Variants in NOX1 observed in about 807,000 individuals in gnomAD.
The protein encoded by NOX1 is NADPH oxidase 1.
In NOX1, 34 loss-of-function variants were observed where a neutral mutation model predicts 42.5. The ratio of observed to expected loss-of-function variants is 0.80; its 90% CI spans 0.61 to 1.07. The LOEUF (loss-of-function observed/expected upper bound fraction) is 1.07, where lower values mean the gene tolerates loss of function less well. NOX1 is among the 50% of genes least tolerant of loss of function. The probability of loss-of-function intolerance (pLI) is 0.00; values close to 1 mark genes in which losing one functional copy is unlikely to be tolerated. For synonymous variants in NOX1, 143 were observed against 152.5 expected (o/e 0.94, Z 0.46); for missense variants, 408 against 427.0 (o/e 0.96, Z 0.39).
At chrX:100,853,272 T>TTCTTTCTTTCTTTCTTTCTCTCTCTTTC (rs1569445502) in intron 7 of NOX1, among the ~76,000 whole-genome samples, 2 of 56,748 alleles carry the variant, frequency 3.5e-5, no homozygotes, top group African/African-American at 1.6e-4. Context: ...CTTTCTTTCT[T>TTCTTTCTTTCTTTCTTTCTCTCTCTTTC]TCTTTCTTTC....
chrX:100,852,206 C>T (rs1373967811), intron 7 of NOX1, among the ~76,000 whole-genome samples: 3 of 112,047 alleles, frequency 2.7e-5, no homozygotes, highest in Non-Finnish European at 5.6e-5. Context: ...CAGTGGCTCA[C>T]GCCTGTAATC....
intron 2 of NOX1, 23 bp from the exon 3 acceptor site, chrX:100,863,618 A>G (rs112279701): frequency 9.2e-5 from 109 of 1,189,093 alleles, no homozygotes; most frequent in Non-Finnish European, 1.2e-4. Flanking sequence ...AGAAAAAGAG[A>G]CCATCAGCTG....
intron 2 of NOX1, among the ~76,000 whole-genome samples, chrX:100,866,389 C>T (rs2085237659): frequency 1.8e-5 from 2 of 110,208 alleles, no homozygotes; most frequent in Admixed American, 9.7e-5. Context: ...GCAAATTTTA[C>T]TATATGAAAA....
At chrX:100,873,796 TAGAG>T (rs965294158) in intron 1 of NOX1, among the ~76,000 whole-genome samples, 17 of 111,518 alleles carry the variant, frequency 1.5e-4, no homozygotes, top group African/African-American at 5.5e-4. Context: ...ATAGGAAAGA[TAGAG>T]AGAAATCAGC....
In NOX1 at chrX:100,851,222, A is replaced by G. The variant is rs778673989; in HGVS notation, c.897+11T>C. 3.2e-5 allele frequency: 34 copies of G among 1,076,655 alleles called. No homozygotes were observed. Among genetic ancestry groups the G allele is most frequent in the Non-Finnish European group, 4.4e-5 (34 of 780,361 alleles). The allele number at this position is 1,076,655 out of a possible 1,213,427, so 88.7% of individuals were successfully genotyped here. ...TCTTATCACAGCAAGAGGAAAGTGCATATTCTTTACCTTGGTAATCACAAC... is the reference window on the plus strand; with the variant it reads ...TCTTATCACAGCAAGAGGAAAGTGCGTATTCTTTACCTTGGTAATCACAAC... On this transcript the variant is annotated intron_variant, in intron 8 of 12. Coordinates refer to ENST00000372966, the MANE Select transcript of NOX1 (RefSeq NM_007052.5).
At position 100,869,568 on chromosome X, in the gene NOX1, CGAT is replaced by C. The variant is rs1225069097; in HGVS notation, c.141+1148_141+1150del. Among the ~76,000 whole-genome samples the C allele has an allele frequency of 3.2e-3, 349 of 109,916 alleles. 1 individual carries two copies. The highest frequency in any genetic ancestry group is 9.5e-3 in the Middle Eastern group (2 of 211). ...AGCTTAAGGAGATTTTGGGCTGAGA[CGAT>C]GGGGTTTTCTAGATATACAATCATG... is the stretch of plus-strand genomic sequence containing the variant. On this transcript the variant is annotated intron_variant, in intron 2 of 12. Transcript: ENST00000372966.
intron 7 of NOX1, among the ~76,000 whole-genome samples, chrX:100,856,599 G>A (rs575427899): frequency 9.1e-5 from 10 of 110,004 alleles, no homozygotes; most frequent in African/African-American, 3.3e-4. Context: ...TTGAGATGGG[G>A]TCTTTCTCTG....
rs2085164578 is a variant in NOX1, at chrX:100,856,050, C to T, written c.805-4725G>A. The T allele has an allele frequency of 1.4e-5, 15 of 1,098,962 alleles. No individual in the cohort carries two copies. In the South Asian group the frequency reaches 1.8e-4, roughly 13 times the overall value. The allele number at this position is 1,098,962 out of a possible 1,213,427, so 90.6% of individuals were successfully genotyped here. A position where few individuals can be genotyped will look rare whatever the true frequency, so the allele number is the denominator to read the frequency against. ...TGTTCTTCCGTGTCTTCTTTAATGC[C>T]ACCAACAAATATCTTTTTCACAGTT... On this transcript the variant is annotated intron_variant, in intron 7 of 12. Transcript: ENST00000372966.
intron 7 of NOX1, among the ~76,000 whole-genome samples, chrX:100,861,040 G>C (rs1302067301): frequency 9.0e-6 from 1 of 111,402 alleles, no homozygotes; most frequent in African/African-American, 3.3e-5. Flanking sequence ...TGCCCGGCCC[G>C]ATGGGGATTT....
chrX:100,846,056 G>T (rs1371160461), intron 12 of NOX1, among the ~76,000 whole-genome samples: 1 of 111,214 alleles, frequency 9.0e-6, no homozygotes, highest in Non-Finnish European at 1.9e-5. Context: ...AAAGTGCTGG[G>T]ATTACAGGCA....
At chrX:100,851,006 A>ATT (rs111677960) in intron 8 of NOX1, among the ~76,000 whole-genome samples, 2 of 104,379 alleles carry the variant, frequency 1.9e-5, no homozygotes, top group East Asian at 3.0e-4. Flanking sequence ...CGCTCAGCTA[A>ATT]TTTTTTTTTT....
At chrX:100,845,422 G>A (rs951301996) in intron 12 of NOX1, among the ~76,000 whole-genome samples, 2 of 109,869 alleles carry the variant, frequency 1.8e-5, no homozygotes, top group African/African-American at 3.3e-5. Flanking sequence ...TAATATTCCA[G>A]TATGTGAATA....
chrX:100,872,752 C>T (rs1269559317), intron 1 of NOX1, among the ~76,000 whole-genome samples: 2 of 109,898 alleles, frequency 1.8e-5, no homozygotes, highest in African/African-American at 6.6e-5. Context: ...CTGCTCCCCT[C>T]CCCTGCCCAA....
rs1206884546 is a variant in NOX1 at position 100,863,141 on chromosome X, A to G, written c.337+18T>C. On this transcript the variant is annotated intron_variant, in intron 4 of 12. Transcript: ENST00000372966. Reference sequence around the variant, plus strand: ...TGAATGCCCTGGAGTCTGCAGATTCATGGATTGCCTGAGTTACCTGTATGT... The same window carrying G: ...TGAATGCCCTGGAGTCTGCAGATTCGTGGATTGCCTGAGTTACCTGTATGT... 1.9e-5 allele frequency: 21 copies of G among 1,131,615 alleles called. No homozygotes were observed. The highest frequency in any genetic ancestry group is 2.5e-5 in the Non-Finnish European group (21 of 823,659). 93.3% of individuals were successfully genotyped at this position (1,131,615 alleles called of 1,213,427 possible). A position where few individuals can be genotyped will look rare whatever the true frequency, so the allele number is the denominator to read the frequency against.
At chrX:100,871,340 A>G (rs1415370857) in intron 1 of NOX1, among the ~76,000 whole-genome samples, 2 of 112,071 alleles carry the variant, frequency 1.8e-5, no homozygotes, top group East Asian at 5.6e-4. Flanking sequence ...TTACAGAAAC[A>G]TTTGCCATTT....
At chrX:100,856,147 C>T in intron 7 of NOX1, 1 of 916,295 alleles carries the variant, frequency 1.1e-6, no homozygotes. Context: ...TTCCATCCAC[C>T]TTGTGTGGCC....
intron 7 of NOX1, chrX:100,856,216 C>A: frequency 1.0e-6 from 1 of 995,826 alleles, no homozygotes. Flanking sequence ...ACCCACAGCC[C>A]CTGGAGCGCT....
intron 1 of NOX1, among the ~76,000 whole-genome samples, chrX:100,872,134 CCAAT>C (rs773219219): frequency 3.9e-4 from 44 of 112,062 alleles, no homozygotes; most frequent in Non-Finnish European, 7.1e-4. Flanking sequence ...ACCTGCTTTA[CCAAT>C]CAATTTCTTC....
chrX:100,870,487 A>C, intron 2 of NOX1, among the ~76,000 whole-genome samples: 1 of 112,029 alleles, frequency 8.9e-6, no homozygotes, highest in East Asian at 2.8e-4. Flanking sequence ...TTTTAACTTC[A>C]GACTTTTTAA....
Sources: gnomAD v4.1 joint callset for allele counts (sites outside exome capture counted in the v4.1 genomes callset) on GRCh38, gnomAD v4.1.1 for gene constraint, MANE v1.5 for transcripts, NCBI Gene and HGNC (gene_info 2026-07-23, HGNC 2026-07-21) for gene names.